The following ST6GALNAC3 variants were observed in gnomAD, a reference collection of about 807,000 sequenced individuals.
The protein encoded by ST6GALNAC3 is ST6 N-acetylgalactosaminide alpha-2,6-sialyltransferase 3, also known as alpha-N-acetylgalactosaminide alpha-2,6-sialyltransferase 3.
A neutral mutation model predicts 32.7 loss-of-function variants in ST6GALNAC3; 25 were observed. That is an observed-to-expected ratio of 0.76 (90% CI 0.56 to 1.07). ST6GALNAC3 has a LOEUF of 1.07. ST6GALNAC3 is among the 50% of genes least tolerant of loss of function. The probability of loss-of-function intolerance (pLI) is 0.00; values close to 1 mark genes in which losing one functional copy is unlikely to be tolerated. For missense variants in ST6GALNAC3, 355 were observed against 382.4 expected, an observed-to-expected ratio of 0.93 and a Z score of 0.60; for synonymous variants, 129 against 133.1, an observed-to-expected ratio of 0.97 and a Z score of 0.21.
At chr1:76,331,680 C>G (rs1647189298) in intron 2 of ST6GALNAC3, among the ~76,000 whole-genome samples, 1 of 152,198 alleles carries the variant, frequency 6.6e-6, no homozygotes, top group South Asian at 2.1e-4. Context: ...TCCTCACCAC[C>G]TCCAGCTAAT....
In ST6GALNAC3 at chr1:76,279,929, TAA is replaced by T. The variant is rs1437516505; in HGVS notation, c.19-33874_19-33873del. Among the ~76,000 whole-genome samples the T allele has an allele frequency of 1.4e-3, 206 of 152,354 alleles. 2 individuals carry two copies. The highest frequency in any genetic ancestry group is 3.7e-4 in the Non-Finnish European group (25 of 68,036). On this transcript the variant is annotated intron_variant, in intron 1 of 4. Transcript: ENST00000328299. ...GTTCTGTGTTTGTGTTTTCCTATTA[TAA>T]AGAGTTCGGGAGAAAGTGGGGTGCT...
Position 76,521,273 on chromosome 1 carries a change from A to G in ST6GALNAC3, c.624-106179A>G, listed in dbSNP as rs141099363. 7.3e-3 allele frequency among the ~76,000 whole-genome samples: 1,100 copies of G among 150,416 alleles called. 16 individuals are homozygous for G. The highest frequency in any genetic ancestry group is 0.048 in the East Asian group (248 of 5,162). On this transcript the variant is annotated intron_variant, in intron 3 of 4. Coordinates refer to ENST00000328299, the MANE Select transcript of ST6GALNAC3 (RefSeq NM_152996.4). ...CATAAACATTGTTATTTTGTGCCAT[A>G]TATATACAGACATATATATATATAT...
At chr1:76,376,915 T>C (rs1163076134) in intron 2 of ST6GALNAC3, among the ~76,000 whole-genome samples, 2 of 152,182 alleles carry the variant, frequency 1.3e-5, no homozygotes, top group South Asian at 4.1e-4. Context: ...AATAGTTCTC[T>C]TAGTGGTTAC....
chr1:76,365,023 C>G (rs1164780102), intron 2 of ST6GALNAC3, among the ~76,000 whole-genome samples: 2 of 152,134 alleles, frequency 1.3e-5, no homozygotes, highest in Non-Finnish European at 2.9e-5. Context: ...CACCTGCATT[C>G]ATATATTTAT....
intron 1 of ST6GALNAC3, among the ~76,000 whole-genome samples, chr1:76,185,878 G>GA (rs1324539099): frequency 1.3e-5 from 2 of 152,170 alleles, no homozygotes; most frequent in African/African-American, 4.8e-5. Context: ...CATTAAGTCT[G>GA]AAACAATACA....
chr1:76,092,424 A>C (rs1006715674), intron 1 of ST6GALNAC3, among the ~76,000 whole-genome samples: 5 of 152,182 alleles, frequency 3.3e-5, no homozygotes, highest in African/African-American at 1.2e-4. Flanking sequence ...CTTGACTTTC[A>C]AAAAATAATA....
intron 3 of ST6GALNAC3, among the ~76,000 whole-genome samples, chr1:76,526,511 C>CT (rs35317596): frequency 0.11 from 16,851 of 151,882 alleles, 1,039 homozygotes; most frequent in East Asian, 0.22. Flanking sequence ...CTCTGGAATC[C>CT]TTTAAGTTGA....
Position 76,535,358 on chromosome 1 carries a change from G to T in ST6GALNAC3, c.624-92094G>T, listed in dbSNP as rs554931205. On this transcript the variant is annotated intron_variant, in intron 3 of 4. Coordinates refer to ENST00000328299, the MANE Select transcript of ST6GALNAC3 (RefSeq NM_152996.4). ...AAACCAAACAATACCAGGAATTCTA[G>T]TATCACTACTGAAATTAATAGGTTT... Among the ~76,000 whole-genome samples, 7 of 152,224 alleles carry T rather than the reference G, an allele frequency of 4.6e-5. 1 individual carries two copies. In the South Asian group the frequency reaches 1.5e-3, roughly 32 times the overall value.
At chr1:76,381,175 A>G (rs1480982891) in intron 2 of ST6GALNAC3, among the ~76,000 whole-genome samples, 1 of 138,854 alleles carries the variant, frequency 7.2e-6, no homozygotes, top group Admixed American at 7.8e-5. Context: ...TGCTAAAAAA[A>G]AAAAAAAAAA....
intron 1 of ST6GALNAC3, among the ~76,000 whole-genome samples, chr1:76,075,193 C>T (rs1646797270): frequency 6.6e-6 from 1 of 152,064 alleles, no homozygotes; most frequent in Non-Finnish European, 1.5e-5. Flanking sequence ...GGGGTGTTCC[C>T]GCGGGTCCCG....
At chr1:76,411,049 G>C (rs1385124679) in intron 2 of ST6GALNAC3, among the ~76,000 whole-genome samples, 1 of 152,102 alleles carries the variant, frequency 6.6e-6, no homozygotes, top group Admixed American at 6.6e-5. Context: ...GAAGGGAGAT[G>C]AGAAAGATGT....
rs189975583 is a variant in ST6GALNAC3 at position 76,111,304 on chromosome 1, C to T, written c.18+36420C>T. Among the ~76,000 whole-genome samples, 615 of 152,170 alleles carry T rather than the reference C, an allele frequency of 4.0e-3. 8 individuals are homozygous for T. Among genetic ancestry groups the T allele is most frequent in the African/African-American group, 0.014 (566 of 41,512 alleles). On this transcript the variant is annotated intron_variant, in intron 1 of 4. Transcript: ENST00000328299. Reference sequence around the variant, plus strand: ...CAGAGGTGACTAGAAAACATAGCCCCACCCAGAAAACTGTAGACGTCTTAG... The same window carrying T: ...CAGAGGTGACTAGAAAACATAGCCCTACCCAGAAAACTGTAGACGTCTTAG...
At chr1:76,212,071 G>A (rs1305769648) in intron 1 of ST6GALNAC3, among the ~76,000 whole-genome samples, 1 of 152,086 alleles carries the variant, frequency 6.6e-6, no homozygotes, top group Non-Finnish European at 1.5e-5. Flanking sequence ...TCTTATTTAA[G>A]CATATCCAGT....
At position 76,346,518 on chromosome 1, in the gene ST6GALNAC3, G is replaced by T. The variant is rs79747524; in HGVS notation, c.213+32519G>T. Among the ~76,000 whole-genome samples the T allele has an allele frequency of 3.0e-3, 455 of 152,326 alleles. 3 individuals are homozygous for T. Among genetic ancestry groups the T allele is most frequent in the African/African-American group, 0.01 (419 of 41,580 alleles). ...TATAAGGCAGATATAACTGCGTAAA[G>T]CAAAACATAGACTTATAAGGCAAGG... On this transcript the variant is annotated intron_variant, in intron 2 of 4. Coordinates refer to ENST00000328299, the MANE Select transcript of ST6GALNAC3 (RefSeq NM_152996.4).
At chr1:76,165,871 T>C (rs1187860331) in intron 1 of ST6GALNAC3, among the ~76,000 whole-genome samples, 1 of 152,214 alleles carries the variant, frequency 6.6e-6, no homozygotes, top group Non-Finnish European at 1.5e-5. Flanking sequence ...GTTTTTTTTC[T>C]TGTACATTTG....
chr1:76,435,597 ACT>A (rs1656084849), intron 3 of ST6GALNAC3, among the ~76,000 whole-genome samples: 1 of 152,088 alleles, frequency 6.6e-6, no homozygotes, highest in Non-Finnish European at 1.5e-5. Context: ...CCCTGGTAGT[ACT>A]CTCTCTGAAT....
At chr1:76,096,999 A>G (rs1412253181) in intron 1 of ST6GALNAC3, among the ~76,000 whole-genome samples, 1 of 151,112 alleles carries the variant, frequency 6.6e-6, no homozygotes, top group Non-Finnish European at 1.5e-5. Flanking sequence ...GCTCACTGCA[A>G]TCTCCGCCTC....
At chr1:76,486,678 C>T (rs1442094708) in intron 3 of ST6GALNAC3, among the ~76,000 whole-genome samples, 4 of 152,070 alleles carry the variant, frequency 2.6e-5, no homozygotes, top group Admixed American at 2.6e-4. Context: ...ACTCTTTATC[C>T]AATTTGCCAG....
intron 3 of ST6GALNAC3, among the ~76,000 whole-genome samples, chr1:76,626,431 A>C (rs1648972444): frequency 6.6e-6 from 1 of 151,936 alleles, no homozygotes; most frequent in Non-Finnish European, 1.5e-5. Context: ...ACACTGGCTA[A>C]AGACAAATAT....
Sources: gnomAD v4.1 joint callset for allele counts (sites outside exome capture counted in the v4.1 genomes callset) on GRCh38, gnomAD v4.1.1 for gene constraint, MANE v1.5 for transcripts, NCBI Gene and HGNC (gene_info 2026-07-23, HGNC 2026-07-21) for gene names.